The following EPM2A variants were observed in gnomAD, a reference collection of about 807,000 sequenced individuals.
EPM2A encodes EPM2A glucan phosphatase, laforin, also known as laforin.
A neutral mutation model predicts 26.5 loss-of-function variants in EPM2A; 21 were observed. The ratio of observed to expected loss-of-function variants is 0.79; its 90% CI spans 0.56 to 1.14. EPM2A has a LOEUF of 1.14. Ranked by LOEUF, EPM2A falls within the 50% of genes most tolerant of loss-of-function variation. EPM2A has a pLI of 0.00. For synonymous variants in EPM2A, 217 were observed against 177.6 expected, an observed-to-expected ratio of 1.22 and a Z score of -1.76; for missense variants, 458 against 440.8, an observed-to-expected ratio of 1.04 and a Z score of -0.35.
At chr6:145,422,003 A>G (rs937426730) in intron 4 of EPM2A, among the ~76,000 whole-genome samples, 1 of 148,458 alleles carries the variant, frequency 6.7e-6, no homozygotes, top group Non-Finnish European at 1.5e-5. Context: ...CCACAGAAGT[A>G]TAGATTTTAA....
At chr6:145,727,540 T>C (rs1776272837) in intron 1 of EPM2A, among the ~76,000 whole-genome samples, 2 of 152,046 alleles carry the variant, frequency 1.3e-5, no homozygotes, top group African/African-American at 4.8e-5. Flanking sequence ...TGTTCTGTGC[T>C]CTATTCATTC....
Position 145,671,185 on chromosome 6 carries a change from C to T in EPM2A, c.476+14937G>A, listed in dbSNP as rs139680131. On this transcript the variant is annotated intron_variant, in intron 2 of 3. Coordinates refer to ENST00000367519, the MANE Select transcript of EPM2A (RefSeq NM_005670.4). ...CTTGTCGAAGTTTGATTTATAAATGCGAGCAAAGTAAAAAAAAAAAAATCT... is the reference window on the plus strand; with the variant it reads ...CTTGTCGAAGTTTGATTTATAAATGTGAGCAAAGTAAAAAAAAAAAAATCT... 6.5e-4 allele frequency: 654 copies of T among 1,009,558 alleles called. 1 individual carries two copies. Among genetic ancestry groups the T allele is most frequent in the African/African-American group, 4.5e-3 (256 of 57,320 alleles). 62.5% of individuals were successfully genotyped at this position (1,009,558 alleles called of 1,614,324 possible).
intron 2 of EPM2A, among the ~76,000 whole-genome samples, chr6:145,567,199 A>G (rs1424458045): frequency 6.6e-6 from 1 of 152,210 alleles, no homozygotes; most frequent in East Asian, 1.9e-4. Flanking sequence ...TGGATGGATC[A>G]ATACTTTTTT....
chr6:145,407,800 A>G (rs1778589597), intron 4 of EPM2A, among the ~76,000 whole-genome samples: 1 of 152,172 alleles, frequency 6.6e-6, no homozygotes, highest in Non-Finnish European at 1.5e-5. Context: ...AATTGTCGTC[A>G]AGTCAGGAAG....
chr6:145,446,581 G>C (rs1251213311), intron 4 of EPM2A, among the ~76,000 whole-genome samples: 1 of 152,050 alleles, frequency 6.6e-6, no homozygotes, highest in African/African-American at 2.4e-5. Flanking sequence ...TTTCTTCTTT[G>C]CTCTTATTCA....
At chr6:145,608,103 C>A (rs185002353) in intron 2 of EPM2A, among the ~76,000 whole-genome samples, 1 of 152,156 alleles carries the variant, frequency 6.6e-6, no homozygotes, top group Non-Finnish European at 1.5e-5. Flanking sequence ...ATTTTCCACA[C>A]AAAAAGATAT....
chr6:145,448,535 A>C (rs1483456138), intron 4 of EPM2A, among the ~76,000 whole-genome samples: 1 of 152,220 alleles, frequency 6.6e-6, no homozygotes, highest in Non-Finnish European at 1.5e-5. Flanking sequence ...AGGAACAAAG[A>C]GTTAATGCAA....
intron 2 of EPM2A, among the ~76,000 whole-genome samples, chr6:145,563,061 A>T (rs1582855924): frequency 6.6e-6 from 1 of 151,726 alleles, no homozygotes; most frequent in East Asian, 2.0e-4. Context: ...CAAGGCAGAC[A>T]CTCGAGCTGA....
At chr6:145,521,296 G>A (rs1029945046) in intron 2 of EPM2A, among the ~76,000 whole-genome samples, 2 of 151,928 alleles carry the variant, frequency 1.3e-5, no homozygotes, top group Admixed American at 1.3e-4. Context: ...AGAAATGGAA[G>A]GTAGGCATTG....
intron 2 of EPM2A, among the ~76,000 whole-genome samples, chr6:145,573,555 C>T (rs1373317883): frequency 1.3e-5 from 2 of 152,236 alleles, no homozygotes; most frequent in Non-Finnish European, 2.9e-5. Flanking sequence ...GGAATCACCA[C>T]CCCTGTGTCT....
Position 145,626,362 on chromosome 6 carries a change from G to T in EPM2A, c.*1054C>A, listed in dbSNP as rs1775807376. 1 of 985,992 alleles carries T rather than the reference G, an allele frequency of 1.0e-6. No homozygotes were observed. The highest frequency in any genetic ancestry group is 1.2e-6 in the Non-Finnish European group (1 of 830,044). 61.1% of individuals were successfully genotyped at this position (985,992 alleles called of 1,614,324 possible). A position where few individuals can be genotyped will look rare whatever the true frequency, so the allele number is the denominator to read the frequency against. ...CCAAGGCTGTGAAGCAATTATCCAT[G>T]GATTTGGTCATTTGGGCTCTTTTGG... On this transcript the variant is annotated 3_prime_UTR_variant, in exon 4 of 4. Transcript: ENST00000367519.
chr6:145,707,657 T>A (rs191950258), intron 1 of EPM2A, among the ~76,000 whole-genome samples: 75 of 152,310 alleles, frequency 4.9e-4, no homozygotes, highest in African/African-American at 1.7e-3. Context: ...TTTGCCCTTC[T>A]TTTGCCTTCC....
chr6:145,685,864 T>G (rs1215236893), intron 2 of EPM2A, among the ~76,000 whole-genome samples: 4 of 152,162 alleles, frequency 2.6e-5, no homozygotes, highest in African/African-American at 4.8e-5. Flanking sequence ...AGTACACAGA[T>G]TGGTTAGCTA....
chr6:145,448,285 C>T (rs1179797595), intron 4 of EPM2A, among the ~76,000 whole-genome samples: 1 of 152,034 alleles, frequency 6.6e-6, no homozygotes, highest in Non-Finnish European at 1.5e-5. Context: ...ATACTCGTGT[C>T]TTTAGCATTT....
intron 2 of EPM2A, among the ~76,000 whole-genome samples, chr6:145,608,658 G>C (rs1357783456): frequency 6.6e-6 from 1 of 152,104 alleles, no homozygotes; most frequent in Admixed American, 6.5e-5. Flanking sequence ...TGCAAAAGAA[G>C]AGCTGTTTGG....
chr6:145,493,574 A>C (rs1317126854), intron 4 of EPM2A, among the ~76,000 whole-genome samples: 1 of 152,142 alleles, frequency 6.6e-6, no homozygotes, highest in Non-Finnish European at 1.5e-5. Flanking sequence ...CCTGTTTTCC[A>C]GGTGAGTGCT....
At chr6:145,512,091 C>A (rs1007720733) in intron 2 of EPM2A, among the ~76,000 whole-genome samples, 1 of 151,948 alleles carries the variant, frequency 6.6e-6, no homozygotes, top group Non-Finnish European at 1.5e-5. Context: ...AACTACAAAA[C>A]GCTGATGAAA....
chr6:145,719,980 C>A (rs958313193), intron 1 of EPM2A, among the ~76,000 whole-genome samples: 1 of 152,096 alleles, frequency 6.6e-6, no homozygotes, highest in African/African-American at 2.4e-5. Context: ...TTTTGTATTA[C>A]CAGAATACCT....
At chr6:145,450,596 A>G (rs1339704403) in intron 4 of EPM2A, among the ~76,000 whole-genome samples, 2 of 152,158 alleles carry the variant, frequency 1.3e-5, no homozygotes, top group Non-Finnish European at 2.9e-5. Context: ...TCTGATCAGT[A>G]AGCAGTTAAA....
Sources: gnomAD v4.1 joint callset for allele counts (sites outside exome capture counted in the v4.1 genomes callset) on GRCh38, gnomAD v4.1.1 for gene constraint, MANE v1.5 for transcripts, NCBI Gene and HGNC (gene_info 2026-07-23, HGNC 2026-07-21) for gene names.